The following FOXP2 variants were observed in gnomAD, a reference collection of about 807,000 sequenced individuals.
FOXP2 encodes forkhead box P2.
FOXP2 carries 12 observed loss-of-function variants against 115.8 expected under a neutral mutation model. The ratio of observed to expected loss-of-function variants is 0.10; its 90% CI spans 0.07 to 0.17. FOXP2 has a LOEUF of 0.17. Among genes scored for constraint, FOXP2 ranks in the 10% least tolerant of loss-of-function variants. The probability of loss-of-function intolerance (pLI) is 1.00; values close to 1 mark genes in which losing one functional copy is unlikely to be tolerated. For missense variants in FOXP2, 629 were observed against 843.5 expected, an observed-to-expected ratio of 0.75 and a Z score of 3.15; for synonymous variants, 328 against 297.7, an observed-to-expected ratio of 1.10 and a Z score of -1.05.
At chr7:114,388,426 A>AT (rs1186733371) in intron 2 of FOXP2, among the ~76,000 whole-genome samples, 2 of 148,772 alleles carry the variant, frequency 1.3e-5, no homozygotes, top group African/African-American at 5.0e-5. Flanking sequence ...AGAGTTTTGC[A>AT]TTTTAAAATC....
At chr7:114,376,369 G>A (rs751894351) in intron 2 of FOXP2, among the ~76,000 whole-genome samples, 2 of 152,194 alleles carry the variant, frequency 1.3e-5, no homozygotes, top group Non-Finnish European at 2.9e-5. Context: ...GTTTCCTTAT[G>A]TGTTAAATAG....
chr7:114,165,160 G>T (rs1792944845), intron 1 of FOXP2, among the ~76,000 whole-genome samples: 1 of 152,058 alleles, frequency 6.6e-6, no homozygotes, highest in South Asian at 2.1e-4. Flanking sequence ...TTACATGGAG[G>T]TTTGTTTCAT....
At position 114,415,353 on chromosome 7, in the gene FOXP2, C is replaced by A. The variant is rs1301168232; in HGVS notation, c.-18C>A. 2.2e-6 allele frequency: 1 copy of A among 450,480 alleles called. No homozygotes were observed. The highest frequency in any genetic ancestry group is 2.0e-5 in the African/African-American group (1 of 49,630). 27.9% of individuals were successfully genotyped at this position (450,480 alleles called of 1,614,324 possible). A position where few individuals can be genotyped will look rare whatever the true frequency, so the allele number is the denominator to read the frequency against. ...ACCGGGAAGTTTGCTCTAACATTTC[C>A]AGAGAAGGTACGTTACTTTTTGCTA... is the stretch of plus-strand genomic sequence containing the variant. On this transcript the variant is annotated 5_prime_UTR_variant, in exon 1 of 17. Coordinates refer to ENST00000350908, the MANE Select transcript of FOXP2 (RefSeq NM_014491.4).
chr7:114,474,048 C>G (rs892060211), intron 2 of FOXP2, among the ~76,000 whole-genome samples: 1 of 152,126 alleles, frequency 6.6e-6, no homozygotes, highest in Non-Finnish European at 1.5e-5. Context: ...TTAAAGTAAA[C>G]TTTCTCTCTA....
At chr7:114,395,122 G>A (rs902682057) in intron 2 of FOXP2, among the ~76,000 whole-genome samples, 1 of 152,152 alleles carries the variant, frequency 6.6e-6, no homozygotes, top group South Asian at 2.1e-4. Context: ...CTGTAAGTTT[G>A]TGACTATGAC....
At chr7:114,518,370 C>T (rs1328277333) in intron 2 of FOXP2, among the ~76,000 whole-genome samples, 1 of 151,420 alleles carries the variant, frequency 6.6e-6, no homozygotes, top group African/African-American at 2.4e-5. Context: ...ATGTTTTTTC[C>T]CCAAGTGGAA....
At chr7:114,342,912 C>T (rs770552884) in intron 2 of FOXP2, among the ~76,000 whole-genome samples, 2 of 151,552 alleles carry the variant, frequency 1.3e-5, no homozygotes, top group Non-Finnish European at 3.0e-5. Flanking sequence ...TATGTTCTCA[C>T]ACTCTTTAGA....
At chr7:114,283,294 G>A (rs1010742041) in intron 1 of FOXP2, among the ~76,000 whole-genome samples, 6 of 152,118 alleles carry the variant, frequency 3.9e-5, no homozygotes, top group Admixed American at 2.0e-4. Context: ...TAAAATGTTA[G>A]TATAATTTTT....
At chr7:114,313,271 T>C (rs1797189975) in intron 2 of FOXP2, among the ~76,000 whole-genome samples, 1 of 152,172 alleles carries the variant, frequency 6.6e-6, no homozygotes, top group Admixed American at 6.5e-5. Context: ...ATTATTTGGC[T>C]CAGTGGTAAC....
chr7:114,575,814 A>T (rs1746829293), intron 3 of FOXP2, among the ~76,000 whole-genome samples: 1 of 151,978 alleles, frequency 6.6e-6, no homozygotes, highest in Non-Finnish European at 1.5e-5. Context: ...GAAGTTAAAG[A>T]TAAATTACTA....
At chr7:114,098,114 C>CAAAAAAAAA (rs1799689608) in intron 1 of FOXP2, among the ~76,000 whole-genome samples, 1 of 152,092 alleles carries the variant, frequency 6.6e-6, no homozygotes, top group African/African-American at 2.4e-5. Context: ...CTGCCAAGAA[C>CAAAAAAAAA]AAATTGTTAG....
At chr7:114,663,693 G>A (rs1243813111) in intron 15 of FOXP2, among the ~76,000 whole-genome samples, 174 bp downstream of exon 15, 2 of 151,332 alleles carry the variant, frequency 1.3e-5, no homozygotes, top group African/African-American at 2.4e-5. Flanking sequence ...TACTTTTGAT[G>A]TGAAGAAGCA....
At chr7:114,208,062 G>A (rs567398065) in intron 1 of FOXP2, among the ~76,000 whole-genome samples, 2 of 152,292 alleles carry the variant, frequency 1.3e-5, no homozygotes, top group South Asian at 4.1e-4. Context: ...CCAGACCCTA[G>A]AATGGTAGAT....
rs553931906 is a variant in FOXP2, at chr7:114,608,741, C to G, written c.259-19799C>G. On this transcript the variant is annotated intron_variant, in intron 3 of 16. Transcript: ENST00000350908. The stretch of plus-strand genomic sequence containing the variant: ...TGCAAAAATGTGGAAGAATTTGTGT[C>G]TCCTTTTGCAAGAGCATCTGTATGA... 4.6e-5 allele frequency among the ~76,000 whole-genome samples: 7 copies of G among 152,304 alleles called. No homozygotes were observed. The South Asian group carries it at 1.5e-3, about 32-fold the overall frequency.
intron 1 of FOXP2, among the ~76,000 whole-genome samples, chr7:114,203,251 C>T (rs1427303290): frequency 1.3e-5 from 2 of 152,216 alleles, no homozygotes; most frequent in Admixed American, 6.5e-5. Context: ...TCTTTCCCTG[C>T]ATTTCCCAGT....
chr7:114,418,492 C>T (rs548257080), intron 1 of FOXP2, among the ~76,000 whole-genome samples: 1 of 151,836 alleles, frequency 6.6e-6, no homozygotes, highest in Non-Finnish European at 1.5e-5. Flanking sequence ...GTTGTAGTGA[C>T]TCTTGTTAGT....
In FOXP2 at chr7:114,652,294, T is replaced by A. The variant is rs768484979; in HGVS notation, c.1182+4T>A. On this transcript the variant is annotated splice_donor_region_variant and intron_variant, in intron 9 of 16. Coordinates refer to ENST00000350908, the MANE Select transcript of FOXP2 (RefSeq NM_014491.4). ...GGTGCAACAGTTAGAAATACAGGTT[T>A]GTTAAATGCTCACTTAATGGACTCT... is the stretch of plus-strand genomic sequence containing the variant. 103 of 1,612,002 alleles carry A rather than the reference T, an allele frequency of 6.4e-5. No homozygotes were observed. The highest frequency in any genetic ancestry group is 8.5e-5 in the Non-Finnish European group (100 of 1,178,716).
intron 3 of FOXP2, among the ~76,000 whole-genome samples, chr7:114,581,916 T>G (rs1801889240): frequency 1.3e-5 from 2 of 152,104 alleles, no homozygotes; most frequent in Non-Finnish European, 2.9e-5. Context: ...GTGTTTTCAA[T>G]AGAATATACC....
At chr7:114,369,795 CATTTT>C (rs1039364052) in intron 2 of FOXP2, among the ~76,000 whole-genome samples, 1 of 152,004 alleles carries the variant, frequency 6.6e-6, no homozygotes, top group Non-Finnish European at 1.5e-5. Flanking sequence ...ATTATATATT[CATTTT>C]ATTATATGCT....
Sources: allele counts gnomAD v4.1 joint callset (sites outside exome capture counted in the v4.1 genomes callset), GRCh38; gene constraint gnomAD v4.1.1; transcripts MANE v1.5; gene names NCBI Gene and HGNC (gene_info 2026-07-23, HGNC 2026-07-21).